The following KLHL29 variants were observed in gnomAD, a reference collection of about 807,000 sequenced individuals.
The protein encoded by KLHL29 is kelch-like protein 29.
Under a neutral mutation model 80.4 loss-of-function variants are expected in KLHL29, and 21 were observed. That is an observed-to-expected ratio of 0.26 (90% CI 0.19 to 0.38). The LOEUF is 0.38. Among genes scored for constraint, KLHL29 ranks in the 10% least tolerant of loss-of-function variants. The pLI is 1.00. For synonymous variants in KLHL29, 511 were observed against 526.8 expected, an observed-to-expected ratio of 0.97 and a Z score of 0.41; for missense variants, 867 against 1,223.9, an observed-to-expected ratio of 0.71 and a Z score of 4.35.
At chr2:23,667,321 C>T (rs777976609) in intron 5 of KLHL29, 2 of 152,124 alleles carry the variant, frequency 1.3e-5, no homozygotes, top group African/African-American at 2.4e-5. Flanking sequence ...AGCACAGATC[C>T]GGACACTTTG....
chr2:23,588,433 C>T (rs892315660), intron 3 of KLHL29, among the ~76,000 whole-genome samples: 3 of 152,196 alleles, frequency 2.0e-5, no homozygotes, highest in African/African-American at 7.2e-5. Flanking sequence ...CCCGCCTGGG[C>T]CCTGGAGACA....
In KLHL29 at chr2:23,562,589, C is replaced by T. The variant is rs192123622; in HGVS notation, c.285+108C>T. ...CTGTGGGGCAGCCTGTGCTCCACGC[C>T]CCGAGTCCTCCAGAGTCTTGTCCTT... On this transcript the variant is annotated intron_variant, in intron 3 of 13. Coordinates refer to ENST00000486442, the MANE Select transcript of KLHL29 (RefSeq NM_052920.2). This position sits in a 1 kb window ranked among gnomAD's most constrained non-coding sequence, Gnocchi z 4.5. 596 of 1,108,682 alleles carry T rather than the reference C, an allele frequency of 5.4e-4. 3 individuals carry two copies. In the African/African-American group the frequency reaches 8.5e-3, roughly 16 times the overall value. The allele number at this position is 1,108,682 out of a possible 1,614,324, so 68.7% of individuals were successfully genotyped here. A position where few individuals can be genotyped will look rare whatever the true frequency, so the allele number is the denominator to read the frequency against.
chr2:23,639,800 C>T (rs528080982), intron 4 of KLHL29, among the ~76,000 whole-genome samples: 1 of 152,286 alleles, frequency 6.6e-6, no homozygotes, highest in African/African-American at 2.4e-5. Context: ...CAGAACACCT[C>T]GATTTGGCCC....
intron 3 of KLHL29, among the ~76,000 whole-genome samples, chr2:23,576,547 A>AGG (rs1667848696): frequency 1.3e-5 from 2 of 152,138 alleles, no homozygotes; most frequent in African/African-American, 4.8e-5. Context: ...TTCCTTGTAA[A>AGG]TAATTGAGGA....
intron 3 of KLHL29, among the ~76,000 whole-genome samples, chr2:23,592,010 G>T (rs908429657): frequency 6.6e-6 from 1 of 152,266 alleles, no homozygotes; most frequent in Non-Finnish European, 1.5e-5. Context: ...ACAGGCATCT[G>T]CCGTGACTTG....
intron 3 of KLHL29, among the ~76,000 whole-genome samples, chr2:23,635,745 C>T (rs1033624685): frequency 6.6e-6 from 1 of 152,246 alleles, no homozygotes; most frequent in African/African-American, 2.4e-5. Context: ...CACAGAGAGG[C>T]TCTCCTGGTC....
At chr2:23,607,729 A>G (rs1668762877) in intron 3 of KLHL29, among the ~76,000 whole-genome samples, 1 of 152,194 alleles carries the variant, frequency 6.6e-6, no homozygotes, top group Non-Finnish European at 1.5e-5. Context: ...TGAACTGTGC[A>G]TGTGAGGGAT....
chr2:23,437,176 T>A lies in KLHL29; in HGVS notation c.-153-38384T>A, dbSNP rs377396999. ...CTATGCAAACCAGGATCTGAATCAG[T>A]TATTTAAAACAACAGACTTGGGTAA... On this transcript the variant is annotated intron_variant, in intron 1 of 13. Coordinates refer to ENST00000486442, the MANE Select transcript of KLHL29 (RefSeq NM_052920.2). 6.6e-5 allele frequency among the ~76,000 whole-genome samples: 10 copies of A among 152,302 alleles called. No homozygotes were observed. In the South Asian group the frequency reaches 2.1e-3, roughly 32 times the overall value.
At chr2:23,568,520 G>C (rs1231121239) in intron 3 of KLHL29, among the ~76,000 whole-genome samples, 2 of 152,200 alleles carry the variant, frequency 1.3e-5, no homozygotes, top group African/African-American at 4.8e-5. Context: ...CCTCCATCCA[G>C]CTAGCTCAGG....
chr2:23,458,442 C>T (rs1664121549), intron 1 of KLHL29, among the ~76,000 whole-genome samples: 1 of 152,214 alleles, frequency 6.6e-6, no homozygotes, highest in Non-Finnish European at 1.5e-5. Flanking sequence ...TTGACAAAAC[C>T]AGCTGCATTT....
At chr2:23,586,068 C>CTA (rs1265886522) in intron 3 of KLHL29, among the ~76,000 whole-genome samples, 2 of 152,134 alleles carry the variant, frequency 1.3e-5, no homozygotes, top group Non-Finnish European at 2.9e-5. Context: ...GGAGGCTTAA[C>CTA]TATCTAGGGA....
At chr2:23,674,005 C>G (rs1474377609) in intron 5 of KLHL29, among the ~76,000 whole-genome samples, 1 of 152,240 alleles carries the variant, frequency 6.6e-6, no homozygotes. Context: ...GTGTTCACAT[C>G]TCACCCCTGC....
intron 3 of KLHL29, among the ~76,000 whole-genome samples, chr2:23,569,312 A>AACCACAGATTCGGAC (rs1366384132): frequency 6.6e-6 from 1 of 152,208 alleles, no homozygotes. Flanking sequence ...AGTATTCGGT[A>AACCACAGATTCGGAC]ACCACAGATT....
Position 23,562,504 on chromosome 2 carries a change from A to T in KLHL29, c.285+23A>T, listed in dbSNP as rs997069637. The T allele has an allele frequency of 6.5e-7, 1 of 1,533,698 alleles. No individual in the cohort carries two copies. Among genetic ancestry groups the T allele is most frequent in the Non-Finnish European group, 8.7e-7 (1 of 1,146,182 alleles). The stretch of plus-strand genomic sequence containing the variant: ...AAGGTAAGATGTGGTGTCATCTCTG[A>T]GCAGGAGCCGGACAGAGGGGCCCTG... On this transcript the variant is annotated intron_variant, in intron 3 of 13. Transcript: ENST00000486442. This position sits in a 1 kb window ranked among gnomAD's most constrained non-coding sequence, Gnocchi z 4.5.
intron 3 of KLHL29, among the ~76,000 whole-genome samples, chr2:23,626,142 A>G (rs542156058): frequency 1.3e-5 from 2 of 152,314 alleles, no homozygotes; most frequent in Admixed American, 1.3e-4. Context: ...ACCTCCGATC[A>G]TCAGACATTA....
At chr2:23,437,590 G>A (rs145602182) in intron 1 of KLHL29, among the ~76,000 whole-genome samples, 144 of 151,954 alleles carry the variant, frequency 9.5e-4, no homozygotes, top group African/African-American at 3.4e-3. Flanking sequence ...CATTCACTTG[G>A]CGTACAGCCT....
Position 23,420,367 on chromosome 2 carries a change from A to G in KLHL29, c.-154+34587A>G, listed in dbSNP as rs374408143. Among the ~76,000 whole-genome samples, 23 of 152,214 alleles carry G rather than the reference A, an allele frequency of 1.5e-4. No homozygotes were observed. In the East Asian group the frequency reaches 2.7e-3, roughly 18 times the overall value. ...CTCACTGCGTGCAGCCCGTTGAGCT[A>G]AAGGGTCAGAGACTCACTTAAGCTA... On this transcript the variant is annotated intron_variant, in intron 1 of 13. Coordinates refer to ENST00000486442, the MANE Select transcript of KLHL29 (RefSeq NM_052920.2).
chr2:23,415,232 T>G (rs140529872), intron 1 of KLHL29, among the ~76,000 whole-genome samples: 1 of 152,340 alleles, frequency 6.6e-6, no homozygotes, highest in East Asian at 1.9e-4. Context: ...TTTGCCATTT[T>G]CAGCTTCTAT....
chr2:23,501,763 C>T (rs1480683001), intron 2 of KLHL29, among the ~76,000 whole-genome samples: 3 of 152,110 alleles, frequency 2.0e-5, no homozygotes, highest in Non-Finnish European at 2.9e-5. Flanking sequence ...CAACGAAATG[C>T]CTGGATCTTT....
Sources: allele counts gnomAD v4.1 joint callset (sites outside exome capture counted in the v4.1 genomes callset), GRCh38; gene constraint gnomAD v4.1.1; non-coding constraint Gnocchi (gnomAD v3.1); transcripts MANE v1.5; gene names NCBI Gene and HGNC (gene_info 2026-07-23, HGNC 2026-07-21).